STK39: variants seen among roughly 807,000 people sequenced by gnomAD.
STK39 encodes the protein serine/threonine kinase 39, also known as STE20/SPS1-related proline-alanine-rich protein kinase.
In STK39, 20 loss-of-function variants were observed where a neutral mutation model predicts 77.8. That is an observed-to-expected ratio of 0.26 (90% CI 0.18 to 0.37). STK39 has a LOEUF of 0.37. STK39 is among the 10% of genes least tolerant of loss of function. The pLI is 1.00. For missense variants in STK39, 479 were observed against 656.5 expected, an observed-to-expected ratio of 0.73 and a Z score of 2.95; for synonymous variants, 246 against 234.1, an observed-to-expected ratio of 1.05 and a Z score of -0.47.
At chr2:168,090,674 CG>C (rs765773577) in intron 10 of STK39, among the ~76,000 whole-genome samples, 1 of 152,136 alleles carries the variant, frequency 6.6e-6, no homozygotes, top group Non-Finnish European at 1.5e-5. Context: ...TAGGCTAAAA[CG>C]TAAGACACAG....
intron 16 of STK39, among the ~76,000 whole-genome samples, chr2:167,996,025 C>G (rs938258006): frequency 2.0e-5 from 3 of 152,014 alleles, no homozygotes; most frequent in African/African-American, 7.3e-5. Flanking sequence ...TCATCTTGCA[C>G]TGGGCCCTGC....
intron 10 of STK39, among the ~76,000 whole-genome samples, chr2:168,083,777 A>T (rs890932469): frequency 6.6e-6 from 1 of 151,976 alleles, no homozygotes; most frequent in Non-Finnish European, 1.5e-5. Context: ...TTGTGTAAAG[A>T]ATCTTGTACA....
At chr2:168,077,601 G>A (rs1455900977) in intron 10 of STK39, among the ~76,000 whole-genome samples, 1 of 152,130 alleles carries the variant, frequency 6.6e-6, no homozygotes, top group African/African-American at 2.4e-5. Flanking sequence ...CCTATGTAGG[G>A]AATAGTATTG....
intron 16 of STK39, among the ~76,000 whole-genome samples, chr2:167,980,686 C>A (rs1489497310): frequency 6.6e-6 from 1 of 151,826 alleles, no homozygotes; most frequent in Non-Finnish European, 1.5e-5. Flanking sequence ...GAGAGCTAAG[C>A]CTTTGTTTAT....
chr2:168,142,355 C>G (rs1034603089), intron 5 of STK39, among the ~76,000 whole-genome samples: 1 of 151,952 alleles, frequency 6.6e-6, no homozygotes, highest in Admixed American at 6.6e-5. Flanking sequence ...AGAAGTTCAA[C>G]GATGAATCCA....
chr2:168,028,299 A>G (rs189917168), intron 14 of STK39, among the ~76,000 whole-genome samples: 1 of 152,336 alleles, frequency 6.6e-6, no homozygotes. Context: ...CTGAATACAT[A>G]AAATTTTAAG....
chr2:168,140,213 A>G, intron 7 of STK39, 76 bp downstream of exon 7: 6 of 1,207,414 alleles, frequency 5.0e-6, no homozygotes, highest in Non-Finnish European at 6.2e-6. Context: ...AAGAATGAAG[A>G]TGTTGAAGAG....
At chr2:168,146,828 G>A (rs567589302) in intron 5 of STK39, among the ~76,000 whole-genome samples, 13 of 152,308 alleles carry the variant, frequency 8.5e-5, no homozygotes, top group African/African-American at 2.9e-4. Flanking sequence ...GCCTGTATAT[G>A]AATAGAGAGG....
chr2:168,122,284 C>A (rs1687428031), intron 10 of STK39, among the ~76,000 whole-genome samples: 1 of 152,084 alleles, frequency 6.6e-6, no homozygotes, highest in Non-Finnish European at 1.5e-5. Flanking sequence ...GAACATGCGG[C>A]ATTTGGTTTT....
intron 10 of STK39, among the ~76,000 whole-genome samples, chr2:168,086,485 A>G (rs1686370550): frequency 6.6e-6 from 1 of 152,240 alleles, no homozygotes; most frequent in Middle Eastern, 3.2e-3. Flanking sequence ...TGGAATTTAA[A>G]GCTCTACCAG....
intron 8 of STK39, among the ~76,000 whole-genome samples, chr2:168,134,883 T>C (rs1176582161): frequency 6.6e-6 from 1 of 152,152 alleles, no homozygotes; most frequent in African/African-American, 2.4e-5. Flanking sequence ...CAGTAAACTT[T>C]CAGGTTACAG....
chr2:168,135,725 T>TC (rs1290450938), intron 8 of STK39, among the ~76,000 whole-genome samples: 1 of 152,118 alleles, frequency 6.6e-6, no homozygotes, highest in African/African-American at 2.4e-5. Flanking sequence ...CATAGATTTT[T>TC]CCCCCCGCAA....
chr2:167,986,114 A>C (rs1683550509), intron 16 of STK39, among the ~76,000 whole-genome samples: 1 of 152,232 alleles, frequency 6.6e-6, no homozygotes, highest in Non-Finnish European at 1.5e-5. Context: ...TAGAAATTCC[A>C]ATCTTAGTTG....
At chr2:168,217,778 CA>C (rs2105711066) in intron 1 of STK39, among the ~76,000 whole-genome samples, 1 of 152,266 alleles carries the variant, frequency 6.6e-6, no homozygotes, top group East Asian at 1.9e-4. Context: ...CAGATGCAAT[CA>C]TCCATTTTTT....
chr2:168,153,776 G>C (rs1038173600), intron 5 of STK39, among the ~76,000 whole-genome samples: 7 of 152,150 alleles, frequency 4.6e-5, no homozygotes, highest in African/African-American at 1.4e-4. Flanking sequence ...AGCATGCAAG[G>C]TAAGGAGGCC....
At chr2:168,218,538 G>A (rs1049723153) in intron 1 of STK39, among the ~76,000 whole-genome samples, 3 of 152,204 alleles carry the variant, frequency 2.0e-5, no homozygotes, top group African/African-American at 7.2e-5. Flanking sequence ...AGGCTTGCTA[G>A]AGCAAGGGCC....
intron 14 of STK39, among the ~76,000 whole-genome samples, chr2:168,022,107 T>C (rs942807511): frequency 1.4e-5 from 2 of 146,298 alleles, no homozygotes; most frequent in African/African-American, 5.6e-5. Flanking sequence ...CATTCTTTTC[T>C]TTATAACTAC....
intron 10 of STK39, among the ~76,000 whole-genome samples, chr2:168,076,310 C>T (rs113893663): frequency 4.0e-4 from 61 of 152,272 alleles, no homozygotes; most frequent in African/African-American, 1.4e-3. Flanking sequence ...ATGTGACTCT[C>T]CTTATGCCAC....
At chr2:168,090,778 C>T (rs557753873) in intron 10 of STK39, among the ~76,000 whole-genome samples, 8 of 152,248 alleles carry the variant, frequency 5.3e-5, no homozygotes, top group South Asian at 2.1e-4. Flanking sequence ...CCGGCCTTTT[C>T]GCTGTGGGGA....
Sources: allele counts gnomAD v4.1 joint callset (sites outside exome capture counted in the v4.1 genomes callset), GRCh38; gene constraint gnomAD v4.1.1; transcripts MANE v1.5; gene names NCBI Gene and HGNC (gene_info 2026-07-23, HGNC 2026-07-21).